BAD: variants seen among roughly 807,000 people sequenced by gnomAD.
The protein encoded by BAD is bcl2-associated agonist of cell death.
BAD carries 18 observed loss-of-function variants against 17.8 expected under a neutral mutation model. The ratio of observed to expected loss-of-function variants is 1.01; its 90% CI spans 0.70 to 1.50. The LOEUF is 1.50. Among genes scored for constraint, BAD ranks in the 40% most tolerant of loss-of-function variants. The pLI, the probability that BAD is intolerant of heterozygous loss-of-function variation, is 0.00. For synonymous variants in BAD, 112 were observed against 91.5 expected, an observed-to-expected ratio of 1.22 and a Z score of -1.28; for missense variants, 294 against 239.3, an observed-to-expected ratio of 1.23 and a Z score of -1.51.
Position 64,271,745 on chromosome 11 carries a change from G to C in BAD, c.246C>G (p.Asp82Glu), listed in dbSNP as rs145689917. The change falls in exon 3 of 4, where the codon GAC becomes GAG. Residue 82 changes from aspartate (D) to glutamate (E), a missense_variant. Transcript: ENST00000309032. ...TGGGCTCCTCCCCCATCCCTTCGTC[G>C]TCCTCCGTCCCCGCGGGGTAGGAGC... ...RHSSYPAGTE[D>E]DEGMGEEPSP... is the part of the protein sequence containing the mutation. 8.5e-5 allele frequency: 123 copies of C among 1,446,168 alleles called. No homozygotes were observed. In the Admixed American group the frequency reaches 1.3e-3, roughly 15 times the overall value. The allele number at this position is 1,446,168 out of a possible 1,614,324, so 89.6% of individuals were successfully genotyped here.
At chr11:64,280,464 G>A (rs1461986960) in intron 2 of BAD, among the ~76,000 whole-genome samples, 1 of 146,010 alleles carries the variant, frequency 6.8e-6, no homozygotes, top group Non-Finnish European at 1.5e-5. Context: ...CCATTCTCCT[G>A]CCTCAGCCTC....
In BAD at chr11:64,271,768, A is replaced by T; in HGVS notation, c.223T>A (p.Ser75Thr). ...TCGTCCTCCGTCCCCGCGGGGTAGGAGCTGTGGCGACTCCGGATCTCCACA... is the reference window on the plus strand; with the variant it reads ...TCGTCCTCCGTCCCCGCGGGGTAGGTGCTGTGGCGACTCCGGATCTCCACA... ...GAVEIRSRHS[S>T]YPAGTEDDEG... is the part of the protein sequence containing the mutation. Residue 75 changes from serine to threonine, a missense_variant, in exon 3 of 4, where the codon TCC becomes ACC. Transcript: ENST00000309032. 1 of 1,425,494 alleles carries T rather than the reference A, an allele frequency of 7.0e-7. No homozygotes were observed. Among genetic ancestry groups the T allele is most frequent in the Non-Finnish European group, 9.2e-7 (1 of 1,088,826 alleles). 88.3% of individuals were successfully genotyped at this position (1,425,494 alleles called of 1,614,324 possible).
At chr11:64,270,383 G>C (rs374662457) in intron 3 of BAD, 46 bp from the exon 4 acceptor site, 3 of 1,508,310 alleles carry the variant, frequency 2.0e-6, no homozygotes, top group African/African-American at 2.8e-5. Flanking sequence ...TACCATGGCA[G>C]CTCGAGCCAG....
intron 2 of BAD, among the ~76,000 whole-genome samples, chr11:64,276,579 G>A (rs1186622404): frequency 1.3e-5 from 2 of 152,134 alleles, no homozygotes; most frequent in African/African-American, 2.4e-5. Flanking sequence ...CAAGTGCCTC[G>A]GCCCCCCAAA....
rs142061195 is a variant in BAD, at chr11:64,282,210, C to T, written c.187+1972G>A. Among the ~76,000 whole-genome samples the T allele has an allele frequency of 4.3e-3, 654 of 152,304 alleles. 2 individuals carry two copies. The highest frequency in any genetic ancestry group is 4.8e-3 in the Non-Finnish European group (325 of 68,040). On this transcript the variant is annotated intron_variant, in intron 2 of 3. Coordinates refer to ENST00000309032, the MANE Select transcript of BAD (RefSeq NM_032989.3). The stretch of plus-strand genomic sequence containing the variant: ...GCCTGTGTCACACGGTGAGCACTCA[C>T]TGTGTGGCGCGAGTGAATGCTGAGT...
Position 64,270,328 on chromosome 11 carries a change from G to T in BAD, c.388C>A (p.Pro130Thr), listed in dbSNP as rs766402133. ...GCTGTGCCCGCGCTCTTCGGGCGAG[G>T]AAGTCCCTTCTGGTGGAGGGAGAAA... The part of the protein sequence containing the change: ...EFVDSFKKGL[P>T]RPKSAGTATQ... Residue 130 changes from proline (P) to threonine (T), a missense_variant, in exon 4 of 4, where the codon CCT becomes ACT. Transcript: ENST00000309032. 2 of 1,558,416 alleles carry T rather than the reference G, an allele frequency of 1.3e-6. No homozygotes were observed. The highest frequency in any genetic ancestry group is 1.9e-5 in the Admixed American group (1 of 53,560).
chr11:64,276,291 T>G (rs2033050491), intron 2 of BAD: 1 of 88,538 alleles, frequency 1.1e-5, no homozygotes, highest in African/African-American at 3.2e-5. Context: ...TGTGTGTGTG[T>G]ATATATTTGT....
intron 2 of BAD, among the ~76,000 whole-genome samples, chr11:64,277,986 G>T (rs1394159281): frequency 1.3e-5 from 2 of 151,986 alleles, no homozygotes; most frequent in African/African-American, 4.8e-5. Flanking sequence ...TTGGATTTTT[G>T]TCCATAACTT....
At chr11:64,270,450 C>G in intron 3 of BAD, 113 bp from the exon 4 acceptor site, 1 of 1,384,140 alleles carries the variant, frequency 7.2e-7, no homozygotes, top group Non-Finnish European at 9.7e-7. Context: ...ATAATGAAGG[C>G]CACAACTCCC....
rs1282374145 is a variant in BAD at position 64,270,002 on chromosome 11, T to C, written c.*207A>G. The C allele has an allele frequency of 1.0e-6, 1 of 952,776 alleles. No individual in the cohort carries two copies. The highest frequency in any genetic ancestry group is 1.6e-6 in the Non-Finnish European group (1 of 627,016). The allele number at this position is 952,776 out of a possible 1,614,324, so 59.0% of individuals were successfully genotyped here. ...GGGCCACGGAGCCACTTCCGGCGGC[T>C]GTGGGCGGAAAACCCAAAACTTCCG... On this transcript the variant is annotated 3_prime_UTR_variant, in exon 4 of 4. Coordinates refer to ENST00000309032, the MANE Select transcript of BAD (RefSeq NM_032989.3).
At chr11:64,277,927 C>G (rs2135121683) in intron 2 of BAD, among the ~76,000 whole-genome samples, 1 of 152,206 alleles carries the variant, frequency 6.6e-6, no homozygotes, top group South Asian at 2.1e-4. Flanking sequence ...TCTTTAGGGA[C>G]CTTGAAATTT....
rs773879129 is a variant in BAD, at chr11:64,270,255, C to G, written c.461G>C (p.Trp154Ser). ...TCCCCTGCCCAAGTTCCGATCCCAC[C>G]AGGACTGGAAGACTCGCGTCCAGCT... Reference protein sequence around the residue: ...SSSWTRVFQSWWDRNLGRGSS... With the variant: ...SSSWTRVFQSSWDRNLGRGSS... The change falls in exon 4 of 4, where the codon TGG becomes TCG. Residue 154 changes from tryptophan to serine, a missense_variant. Physicochemically the swap from Trp to Ser is radical, Grantham distance 177. Transcript: ENST00000309032. 1 of 1,604,932 alleles carries G rather than the reference C, an allele frequency of 6.2e-7. No individual in the cohort carries two copies. The highest frequency in any genetic ancestry group is 8.5e-7 in the Non-Finnish European group (1 of 1,173,262).
chr11:64,283,740 C>T (rs1565352540), intron 2 of BAD, among the ~76,000 whole-genome samples: 1 of 152,176 alleles, frequency 6.6e-6, no homozygotes, highest in Non-Finnish European at 1.5e-5. Context: ...TTTTCCTTTT[C>T]GGATCACTGC....
In BAD at chr11:64,269,907, T is replaced by G. The variant is rs1226217506; in HGVS notation, c.*302A>C. The stretch of plus-strand genomic sequence containing the variant: ...GGCATCGCGGGGGCTCGGGTCCCGG[T>G]GACGCAACGGTTAAACCTGGCTCGC... On this transcript the variant is annotated 3_prime_UTR_variant, in exon 4 of 4. Transcript: ENST00000309032. 3 of 701,750 alleles carry G rather than the reference T, an allele frequency of 4.3e-6. No homozygotes were observed. Among genetic ancestry groups the G allele is most frequent in the African/African-American group, 3.5e-5 (2 of 57,176 alleles). The allele number at this position is 701,750 out of a possible 1,614,324, so 43.5% of individuals were successfully genotyped here.
Position 64,274,618 on chromosome 11 carries a change from C to T in BAD, c.188-2815G>A, listed in dbSNP as rs528510761. On this transcript the variant is annotated intron_variant, in intron 2 of 3. Transcript: ENST00000309032. Reference sequence around the variant, plus strand: ...CAGGTGGATCACGAGGTCAGGAGTTCGAGACCAGCCTGACCCACATGGTGA... The same window carrying T: ...CAGGTGGATCACGAGGTCAGGAGTTTGAGACCAGCCTGACCCACATGGTGA... 1.1e-3 allele frequency among the ~76,000 whole-genome samples: 170 copies of T among 152,096 alleles called. 1 individual carries two copies. Among genetic ancestry groups the T allele is most frequent in the Middle Eastern group, 0.01 (3 of 294 alleles).
At chr11:64,270,481 G>T in intron 3 of BAD, 144 bp from the exon 4 acceptor site, 1 of 1,188,960 alleles carries the variant, frequency 8.4e-7, no homozygotes, top group Non-Finnish European at 1.2e-6. Flanking sequence ...ACGCCGGGCG[G>T]TCAGGGACGC....
In BAD at chr11:64,271,611, A is replaced by T; in HGVS notation, c.378+2T>A. 7.0e-7 allele frequency: 1 copy of T among 1,436,914 alleles called. No homozygotes were observed. 89.0% of individuals were successfully genotyped at this position (1,436,914 alleles called of 1,614,324 possible). The stretch of plus-strand genomic sequence containing the variant: ...CCTGGCACGCTGGGGACTGGCGCTC[A>T]CCTTAAAGGAGTCCACAAACTCGTC... On this transcript the variant is annotated splice_donor_variant, in intron 3 of 3. Transcript: ENST00000309032. LOFTEE classifies it high-confidence loss of function.
chr11:64,277,202 C>T (rs141410140), intron 2 of BAD, among the ~76,000 whole-genome samples: 4 of 152,288 alleles, frequency 2.6e-5, no homozygotes, highest in African/African-American at 7.2e-5. Context: ...TACCACATGC[C>T]GACCACACAC....
At chr11:64,273,855 C>CTAA in intron 2 of BAD, among the ~76,000 whole-genome samples, 1 of 54,820 alleles carries the variant, frequency 1.8e-5, no homozygotes, top group Non-Finnish European at 3.1e-5. Flanking sequence ...GCACCCATCT[C>CTAA]AAAAAAAAAA....
Sources: allele counts gnomAD v4.1 joint callset (sites outside exome capture counted in the v4.1 genomes callset), GRCh38; gene constraint gnomAD v4.1.1; transcripts MANE v1.5; gene names NCBI Gene and HGNC (gene_info 2026-07-23, HGNC 2026-07-21).